ADGRL4: variants seen among roughly 807,000 people sequenced by gnomAD.
The protein encoded by ADGRL4 is EGF, latrophilin and seven transmembrane domain containing 1.
ADGRL4 carries 90 observed loss-of-function variants against 74.8 expected under a neutral mutation model. The observed-to-expected ratio is 1.20, with a 90% CI of 1.02 to 1.43. The LOEUF is 1.43. Ranked by LOEUF, ADGRL4 falls within the 40% of genes most tolerant of loss-of-function variation. ADGRL4 has a pLI of 0.00. For synonymous variants in ADGRL4, 311 were observed against 279.2 expected (o/e 1.11, Z -1.14); for missense variants, 881 against 814.3 (o/e 1.08, Z -1.00).
chr1:79,002,031 T>C (rs1362886945), intron 2 of ADGRL4, among the ~76,000 whole-genome samples: 1 of 152,146 alleles, frequency 6.6e-6, no homozygotes, highest in Non-Finnish European at 1.5e-5. Context: ...AGTAACATAT[T>C]AGATTTATCT....
intron 2 of ADGRL4, among the ~76,000 whole-genome samples, chr1:78,989,958 T>A (rs1471550009): frequency 6.6e-6 from 1 of 151,898 alleles, no homozygotes; most frequent in East Asian, 1.9e-4. Context: ...CTTTAGAAAG[T>A]CTGCTTCCTC....
At chr1:78,915,665 A>G (rs1261789790) in intron 12 of ADGRL4, among the ~76,000 whole-genome samples, 1 of 151,886 alleles carries the variant, frequency 6.6e-6, no homozygotes, top group Admixed American at 6.6e-5. Flanking sequence ...CCATGGGAAG[A>G]GCAGGCCTAA....
intron 2 of ADGRL4, among the ~76,000 whole-genome samples, chr1:78,986,953 A>G (rs17102581): frequency 0.053 from 8,014 of 151,910 alleles, 299 homozygotes; most frequent in African/African-American, 0.1. Context: ...AAGCATATAT[A>G]TCATGAAACT....
At chr1:78,902,155 A>C (rs551323011) in intron 12 of ADGRL4, among the ~76,000 whole-genome samples, 1 of 152,284 alleles carries the variant, frequency 6.6e-6, no homozygotes, top group African/African-American at 2.4e-5. Context: ...TTGACTGCAG[A>C]GGAACCCAAT....
At chr1:78,976,612 G>A (rs1381403591) in intron 2 of ADGRL4, among the ~76,000 whole-genome samples, 1 of 151,462 alleles carries the variant, frequency 6.6e-6, no homozygotes, top group Non-Finnish European at 1.5e-5. Context: ...ACCTTTGATT[G>A]TGTATGGAAA....
chr1:78,926,956 A>G lies in ADGRL4; in HGVS notation c.1013T>C (p.Val338Ala), dbSNP rs1311450434. The part of the protein sequence containing the change: ...EERVISSVIS[V>A]SMSSNPPTLY... ...TGTGGGTGGGTTTGAGCTCATTGAG[A>G]CTGAAATTACTGAAGATATGACTCT... The change falls in exon 8 of 15, where the codon GTC becomes GCC. Residue 338 changes from valine (V) to alanine (A), a missense_variant. Transcript: ENST00000370742. The G allele has an allele frequency of 2.0e-5, 32 of 1,612,146 alleles. No individual in the cohort carries two copies. The highest frequency in any genetic ancestry group is 2.4e-5 in the Non-Finnish European group (28 of 1,178,890).
intron 2 of ADGRL4, among the ~76,000 whole-genome samples, chr1:78,995,680 T>G (rs751187556): frequency 3.9e-5 from 6 of 152,188 alleles, no homozygotes; most frequent in Admixed American, 6.5e-5. Flanking sequence ...AACTGGAAAA[T>G]GACTACAGTT....
At chr1:78,968,154 T>G (rs1052113274) in intron 2 of ADGRL4, among the ~76,000 whole-genome samples, 1 of 152,160 alleles carries the variant, frequency 6.6e-6, no homozygotes, top group African/African-American at 2.4e-5. Flanking sequence ...ATTACATGCA[T>G]CAATTATAAT....
At chr1:78,961,494 G>GAA (rs1183209217) in intron 2 of ADGRL4, among the ~76,000 whole-genome samples, 1 of 152,148 alleles carries the variant, frequency 6.6e-6, no homozygotes, top group East Asian at 1.9e-4. Flanking sequence ...AATGGGTCAT[G>GAA]AAAGACAGTT....
intron 7 of ADGRL4, among the ~76,000 whole-genome samples, chr1:78,935,084 A>C (rs180867834): frequency 6.0e-4 from 92 of 152,302 alleles, no homozygotes; most frequent in African/African-American, 2.1e-3. Context: ...AAATCATTCT[A>C]CTATAAATAC....
intron 12 of ADGRL4, among the ~76,000 whole-genome samples, chr1:78,906,584 T>C (rs1263856553): frequency 6.6e-6 from 1 of 152,024 alleles, no homozygotes; most frequent in Non-Finnish European, 1.5e-5. Context: ...ACAATGTAAA[T>C]TGATGTAATG....
chr1:78,920,081 G>A, intron 10 of ADGRL4, 102 bp downstream of exon 10: 4 of 829,310 alleles, frequency 4.8e-6, no homozygotes, highest in Non-Finnish European at 7.3e-6. Context: ...GAGAACGTCT[G>A]CCCCATTAAA....
chr1:78,987,339 C>A (rs1650518362), intron 2 of ADGRL4, among the ~76,000 whole-genome samples: 1 of 151,702 alleles, frequency 6.6e-6, no homozygotes, highest in Non-Finnish European at 1.5e-5. Context: ...GGTAACATTT[C>A]TTCATTTATT....
chr1:78,903,326 A>C (rs1648558087), intron 12 of ADGRL4, among the ~76,000 whole-genome samples: 1 of 152,168 alleles, frequency 6.6e-6, no homozygotes. Context: ...CTGTGGGTTA[A>C]AATTCATACT....
At chr1:78,999,826 A>G (rs560168447) in intron 2 of ADGRL4, among the ~76,000 whole-genome samples, 1 of 150,352 alleles carries the variant, frequency 6.7e-6, no homozygotes, top group Non-Finnish European at 1.5e-5. Context: ...CTATCTATCT[A>G]TCTATCTATC....
chr1:78,935,442 T>A (rs1649332315), intron 7 of ADGRL4, among the ~76,000 whole-genome samples: 1 of 151,536 alleles, frequency 6.6e-6, no homozygotes, highest in African/African-American at 2.4e-5. Context: ...GAGGACTGGG[T>A]CAATAGCTGA....
intron 2 of ADGRL4, 88 bp from the exon 3 acceptor site, chr1:78,946,514 TTAGA>T (rs1422117533): frequency 3.0e-4 from 339 of 1,115,508 alleles, no homozygotes; most frequent in Admixed American, 6.5e-4. Context: ...ATATTGACTG[TTAGA>T]TAGTTTAAGG....
At chr1:78,954,752 A>G (rs1380971009) in intron 2 of ADGRL4, among the ~76,000 whole-genome samples, 2 of 152,158 alleles carry the variant, frequency 1.3e-5, no homozygotes, top group Non-Finnish European at 1.5e-5. Context: ...GTAGTTAGAA[A>G]TATAGAACTT....
At chr1:78,995,123 C>T (rs1018674145) in intron 2 of ADGRL4, among the ~76,000 whole-genome samples, 2 of 152,190 alleles carry the variant, frequency 1.3e-5, no homozygotes, top group Non-Finnish European at 1.5e-5. Flanking sequence ...TCACACATCA[C>T]AGTGACTAAA....
Sources: allele counts gnomAD v4.1 joint callset (sites outside exome capture counted in the v4.1 genomes callset), GRCh38; gene constraint gnomAD v4.1.1; transcripts MANE v1.5; gene names NCBI Gene and HGNC (gene_info 2026-07-23, HGNC 2026-07-21).